Variants in ANKRD11 observed in about 807,000 individuals in gnomAD.
ANKRD11 encodes the protein ankyrin repeat domain 11, also known as ankyrin repeat domain-containing protein 11.
ANKRD11 carries 17 observed loss-of-function variants against 195.7 expected under a neutral mutation model. The ratio of observed to expected loss-of-function variants is 0.09; its 90% CI spans 0.06 to 0.13. The LOEUF (loss-of-function observed/expected upper bound fraction) is 0.13. Among genes scored for constraint, ANKRD11 ranks in the 10% least tolerant of loss-of-function variants. The pLI, the probability that ANKRD11 is intolerant of heterozygous loss-of-function variation, is 1.00. For synonymous variants in ANKRD11, 1,953 were observed against 1,528.1 expected, an observed-to-expected ratio of 1.28 and a Z score of -6.49; for missense variants, 3,735 against 3,566.1, an observed-to-expected ratio of 1.05 and a Z score of -1.21.
At chr16:89,454,602 G>C (rs1241009190) in intron 1 of ANKRD11, among the ~76,000 whole-genome samples, 2 of 151,708 alleles carry the variant, frequency 1.3e-5, no homozygotes, top group East Asian at 3.9e-4. Flanking sequence ...GGTTCCTCAA[G>C]CTGCTCCCCT....
chr16:89,468,847 C>G (rs1490743986), intron 1 of ANKRD11, among the ~76,000 whole-genome samples: 3 of 152,170 alleles, frequency 2.0e-5, no homozygotes, highest in Non-Finnish European at 1.5e-5. Context: ...GCCAATGTAT[C>G]CTACAGGAAG....
Position 89,410,239 on chromosome 16 carries a change from G to C in ANKRD11, c.-60+8045C>G, listed in dbSNP as rs568262587. On this transcript the variant is annotated intron_variant, in intron 2 of 12. Transcript: ENST00000301030. ...GCCAACCCGGTGGGTACGGCCCTTTGAGTGTCACCTAAAGCCTCATAACAT... is the reference window on the plus strand; with the variant it reads ...GCCAACCCGGTGGGTACGGCCCTTTCAGTGTCACCTAAAGCCTCATAACAT... Among the ~76,000 whole-genome samples, 4 of 152,232 alleles carry C rather than the reference G, an allele frequency of 2.6e-5. No homozygotes were observed. In the East Asian group the frequency reaches 7.7e-4, roughly 29 times the overall value.
intron 11 of ANKRD11, 104 bp from the exon 12 acceptor site, chr16:89,271,013 C>G (rs2033103791): frequency 9.6e-7 from 1 of 1,045,404 alleles, no homozygotes; most frequent in East Asian, 2.6e-5. Flanking sequence ...AAGGGACAAC[C>G]ACAGGGGGAG....
chr16:89,317,133 C>T, intron 2 of ANKRD11, 55 bp from the exon 3 acceptor site: 1 of 1,148,554 alleles, frequency 8.7e-7, no homozygotes, highest in Non-Finnish European at 1.3e-6. Flanking sequence ...CAAAACTCAT[C>T]CACTCTCACA....
chr16:89,488,685 C>T (rs2057702694), intron 1 of ANKRD11, among the ~76,000 whole-genome samples: 1 of 152,146 alleles, frequency 6.6e-6, no homozygotes. Flanking sequence ...CAGGTAATAT[C>T]ATCTTATATG....
At chr16:89,277,025 C>T (rs1388352500) in intron 9 of ANKRD11, among the ~76,000 whole-genome samples, 1 of 149,172 alleles carries the variant, frequency 6.7e-6, no homozygotes, top group Non-Finnish European at 1.5e-5. Context: ...CACTGCACTC[C>T]AGCCTGGGTG....
chr16:89,439,805 C>T (rs988197423), intron 1 of ANKRD11, among the ~76,000 whole-genome samples: 19 of 152,334 alleles, frequency 1.2e-4, no homozygotes, highest in African/African-American at 4.6e-4. Flanking sequence ...CTCTGTGGAA[C>T]GTTTTCATTC....
chr16:89,309,351 G>C (rs2036482374), intron 3 of ANKRD11, among the ~76,000 whole-genome samples: 2 of 152,238 alleles, frequency 1.3e-5, no homozygotes, highest in South Asian at 4.1e-4. Flanking sequence ...AGTGGAGACA[G>C]AAGTCAGGGC....
At chr16:89,361,608 T>C (rs2039735532) in intron 2 of ANKRD11, 1 of 152,354 alleles carries the variant, frequency 6.6e-6, no homozygotes, top group East Asian at 1.9e-4. Context: ...CCCATCCTGC[T>C]GGGAGAATGC....
At chr16:89,357,197 G>C (rs2039523960) in intron 2 of ANKRD11, among the ~76,000 whole-genome samples, 1 of 152,220 alleles carries the variant, frequency 6.6e-6, no homozygotes, top group African/African-American at 2.4e-5. Flanking sequence ...TCGAAGATGA[G>C]TGGGGTTGGG....
chr16:89,323,115 G>A (rs1262690472), intron 2 of ANKRD11: 1 of 330,384 alleles, frequency 3.0e-6, no homozygotes, highest in South Asian at 2.3e-5. Context: ...CCTGCCGGCT[G>A]TTGTGCGCTC....
chr16:89,317,213 G>A (rs946358691), intron 2 of ANKRD11, 135 bp from the exon 3 acceptor site: 3 of 700,106 alleles, frequency 4.3e-6, no homozygotes, highest in African/African-American at 1.8e-5. Flanking sequence ...GCCCGGGCCA[G>A]GCCCAGGAAG....
rs1262220424 is a variant in ANKRD11, at chr16:89,409,829, A to AATTTATTTATTTATTTATTTATTTATTT, written c.-60+8454_-60+8455insAAATAAATAAATAAATAAATAAATAAAT. On this transcript the variant is annotated intron_variant, in intron 2 of 12. Coordinates refer to ENST00000301030, the MANE Select transcript of ANKRD11 (RefSeq NM_013275.6). Reference sequence around the variant, plus strand: ...CTGCTCACTTCTCAATTTCAATCTAAATTTATTTATTTATTTATTTATTTT... The same window carrying AATTTATTTATTTATTTATTTATTTATTT: ...CTGCTCACTTCTCAATTTCAATCTAAATTTATTTATTTATTTATTTATTTATTTATTTATTTATTTATTTATTTATTTT... Among the ~76,000 whole-genome samples the AATTTATTTATTTATTTATTTATTTATTT allele has an allele frequency of 6.1e-3, 921 of 151,486 alleles. 13 individuals carry two copies. The highest frequency in any genetic ancestry group is 0.021 in the African/African-American group (871 of 40,942).
intron 2 of ANKRD11, chr16:89,395,572 T>A (rs2041391052): frequency 6.6e-6 from 1 of 152,346 alleles, no homozygotes; most frequent in East Asian, 1.9e-4. Flanking sequence ...CAATGGGCCA[T>A]CACATTGGAA....
chr16:89,312,118 G>T (rs1029509926), intron 3 of ANKRD11, among the ~76,000 whole-genome samples: 2 of 152,140 alleles, frequency 1.3e-5, no homozygotes, highest in African/African-American at 4.8e-5. Context: ...GGCTGGTCTC[G>T]AACTCCCGAC....
intron 1 of ANKRD11, among the ~76,000 whole-genome samples, chr16:89,447,959 C>G (rs1567819358): frequency 6.6e-6 from 1 of 152,074 alleles, no homozygotes; most frequent in Non-Finnish European, 1.5e-5. Flanking sequence ...CGCCCACCAC[C>G]ACGCCTGGCT....
intron 2 of ANKRD11, among the ~76,000 whole-genome samples, chr16:89,362,849 C>G (rs1275418191): frequency 6.6e-6 from 1 of 152,088 alleles, no homozygotes; most frequent in African/African-American, 2.4e-5. Flanking sequence ...TTCCTTTGTT[C>G]TCCTCTGCCT....
Position 89,291,308 on chromosome 16 carries a change from A to G in ANKRD11, c.227-125T>C. 8.0e-7 allele frequency: 1 copy of G among 1,243,072 alleles called. No homozygotes were observed. The highest frequency in any genetic ancestry group is 1.1e-6 in the Non-Finnish European group (1 of 880,218). The allele number at this position is 1,243,072 out of a possible 1,614,324, so 77.0% of individuals were successfully genotyped here. Reference sequence around the variant, plus strand: ...CTGACAGCTGACAGAGCAGAAAGGAAGGTCTGTGTATGGGGAAAGCACAGC... The same window carrying G: ...CTGACAGCTGACAGAGCAGAAAGGAGGGTCTGTGTATGGGGAAAGCACAGC... On this transcript the variant is annotated intron_variant, in intron 4 of 12. Transcript: ENST00000301030. The surrounding 1 kb of genome is among the most constrained non-coding windows in gnomAD (Gnocchi z 5.3).
intron 4 of ANKRD11, chr16:89,300,606 C>T: frequency 2.2e-6 from 1 of 461,164 alleles, no homozygotes. Flanking sequence ...CCAAGAAGTC[C>T]CACAGATACC....
Sources: allele counts gnomAD v4.1 joint callset (sites outside exome capture counted in the v4.1 genomes callset), GRCh38; gene constraint gnomAD v4.1.1; non-coding constraint Gnocchi (gnomAD v3.1); transcripts MANE v1.5; gene names NCBI Gene and HGNC (gene_info 2026-07-23, HGNC 2026-07-21).